IDE: variants seen among roughly 807,000 people sequenced by gnomAD.
IDE encodes the protein insulin-degrading enzyme.
In IDE, 58 loss-of-function variants were observed where a neutral mutation model predicts 133.2. That is an observed-to-expected ratio of 0.44 (90% CI 0.35 to 0.54). IDE has a LOEUF of 0.54. IDE is among the 20% of genes least tolerant of loss of function. IDE has a pLI of 0.00. For missense variants in IDE, 981 were observed against 1,234.0 expected, an observed-to-expected ratio of 0.79 and a Z score of 3.07; for synonymous variants, 396 against 421.3, an observed-to-expected ratio of 0.94 and a Z score of 0.73.
intron 4 of IDE, among the ~76,000 whole-genome samples, chr10:92,524,253 T>C (rs1293977345): frequency 7.6e-6 from 1 of 132,420 alleles, no homozygotes; most frequent in Non-Finnish European, 1.5e-5. Context: ...TACGGTAAGC[T>C]GAGATTGTGC....
intron 1 of IDE, among the ~76,000 whole-genome samples, chr10:92,538,027 C>A (rs1301414401): frequency 6.6e-6 from 1 of 151,994 alleles, no homozygotes; most frequent in Admixed American, 6.6e-5. Flanking sequence ...CACTCAACAC[C>A]ACACCCAGTT....
rs967283250 is a variant in IDE, at chr10:92,552,878, A to T, written c.99-15328T>A. The stretch of plus-strand genomic sequence containing the variant: ...GTCTCAAAAAAAAAAAAAAAAAAAA[A>T]TTATTTTCCAATAAAAGGAACTAAG... On this transcript the variant is annotated intron_variant, in intron 1 of 24. Coordinates refer to ENST00000265986, the MANE Select transcript of IDE (RefSeq NM_004969.4). Among the ~76,000 whole-genome samples the T allele has an allele frequency of 7.6e-5, 11 of 145,576 alleles. No homozygotes were observed. The Admixed American group carries it at 7.7e-4, about 10-fold the overall frequency.
At chr10:92,503,722 T>A (rs1197800909) in intron 11 of IDE, among the ~76,000 whole-genome samples, 2 of 151,412 alleles carry the variant, frequency 1.3e-5, no homozygotes, top group Non-Finnish European at 3.0e-5. Flanking sequence ...AAAAAGACTT[T>A]TTTTTTTTTT....
intron 22 of IDE, among the ~76,000 whole-genome samples, chr10:92,456,913 C>A (rs1221983448): frequency 6.7e-6 from 1 of 149,666 alleles, no homozygotes; most frequent in Non-Finnish European, 1.5e-5. Flanking sequence ...TCTTTCCCCT[C>A]ACTTACATTA....
intron 18 of IDE, among the ~76,000 whole-genome samples, chr10:92,469,310 T>C (rs547488146): frequency 6.6e-6 from 1 of 152,178 alleles, no homozygotes; most frequent in Admixed American, 6.5e-5. Context: ...GAGGCAAACA[T>C]AGGCTTTATT....
At chr10:92,563,778 AAAG>A (rs1843392836) in intron 1 of IDE, among the ~76,000 whole-genome samples, 1 of 152,130 alleles carries the variant, frequency 6.6e-6, no homozygotes, top group South Asian at 2.1e-4. Context: ...GAAAAAAAGA[AAAG>A]AAAAGCAAAT....
At chr10:92,541,345 G>A in intron 1 of IDE, 1 of 470,576 alleles carries the variant, frequency 2.1e-6, no homozygotes. Context: ...CTCCTCTGAT[G>A]ATGAATTCAT....
Position 92,534,606 on chromosome 10 carries a change from G to A in IDE, c.463C>T (p.His155Tyr). The change falls in exon 3 of 25, where the codon CAT becomes TAT. Residue 155 changes from histidine to tyrosine, a missense_variant. Physicochemically the swap from His to Tyr is moderately conservative, Grantham distance 83. Transcript: ENST00000265986. ...TCTAGGGCACCTTCTAGGTGTTCAT[G>A]AGAAACATCAAAATAGTAATTGGTA... ...EHTNYYFDVS[H>Y]EHLEGALDRF... The A allele has an allele frequency of 1.2e-6, 2 of 1,613,608 alleles. No individual in the cohort carries two copies. The highest frequency in any genetic ancestry group is 1.7e-6 in the Non-Finnish European group (2 of 1,179,646).
At chr10:92,497,340 A>C (rs1847765371) in intron 11 of IDE, among the ~76,000 whole-genome samples, 1 of 152,212 alleles carries the variant, frequency 6.6e-6, no homozygotes, top group Non-Finnish European at 1.5e-5. Context: ...ACTGGCAAAA[A>C]TGAAACTGGC....
chr10:92,546,616 A>C (rs1842543533), intron 1 of IDE, among the ~76,000 whole-genome samples: 1 of 152,180 alleles, frequency 6.6e-6, no homozygotes, highest in African/African-American at 2.4e-5. Flanking sequence ...CAATTATTTC[A>C]ATTATTTCTG....
intron 5 of IDE, among the ~76,000 whole-genome samples, chr10:92,510,489 G>A (rs1185500878): frequency 2.0e-5 from 3 of 152,176 alleles, no homozygotes; most frequent in South Asian, 4.1e-4. Flanking sequence ...TACATAGACA[G>A]AGAATTGCCT....
At chr10:92,548,536 T>C (rs866188871) in intron 1 of IDE, among the ~76,000 whole-genome samples, 6 of 152,206 alleles carry the variant, frequency 3.9e-5, no homozygotes, top group Middle Eastern at 6.8e-3. Flanking sequence ...ACAGTAGTCA[T>C]CCATGAATGG....
At chr10:92,556,194 A>AAAAAG (rs1589536525) in intron 1 of IDE, among the ~76,000 whole-genome samples, 1 of 151,126 alleles carries the variant, frequency 6.6e-6, no homozygotes. Flanking sequence ...AAAAAAAAAA[A>AAAAAG]AAAAAAGAAA....
intron 4 of IDE, 26 bp downstream of exon 4, chr10:92,531,722 G>A (rs1243480824): frequency 2.0e-6 from 3 of 1,516,352 alleles, no homozygotes; most frequent in African/African-American, 1.4e-5. Context: ...TTTAAATGAG[G>A]TCAAGGAAAG....
intron 4 of IDE, among the ~76,000 whole-genome samples, chr10:92,518,609 G>A (rs886348020): frequency 1.3e-5 from 2 of 151,990 alleles, no homozygotes; most frequent in African/African-American, 4.8e-5. Context: ...CTGTGTACAA[G>A]GAGACATGTA....
At chr10:92,561,295 C>T (rs769076764) in intron 1 of IDE, among the ~76,000 whole-genome samples, 5 of 151,868 alleles carry the variant, frequency 3.3e-5, no homozygotes, top group Admixed American at 2.0e-4. Flanking sequence ...ATAAGTAAGG[C>T]GAACTCAGCA....
Position 92,510,629 on chromosome 10 carries a change from GTATA to G in IDE, c.785-471_785-468del, listed in dbSNP as rs768554606. Among the ~76,000 whole-genome samples the G allele has an allele frequency of 6.6e-5, 10 of 150,380 alleles. No homozygotes were observed. In the East Asian group the frequency reaches 1.9e-3, roughly 29 times the overall value. On this transcript the variant is annotated intron_variant, in intron 5 of 24. Transcript: ENST00000265986. Reference sequence around the variant, plus strand: ...AAATGCACATTTTATATGTGTGTGTGTATATATATATCACATATATGATATATAT... The same window carrying G: ...AAATGCACATTTTATATGTGTGTGTGTATATATCACATATATGATATATAT...
chr10:92,531,857 ATTCACCT>A lies in IDE; in HGVS notation c.545_551del (p.Glu182ValfsTer11). 1 of 1,591,166 alleles carries A rather than the reference ATTCACCT, an allele frequency of 6.3e-7. No individual in the cohort carries two copies. Among genetic ancestry groups the A allele is most frequent in the Non-Finnish European group, 8.6e-7 (1 of 1,166,108 alleles). ...TCTTCTCATGTTCTGAATCAACTGC[ATTCACCT>A]CTCTGTCTTTGCAACTTTCATCGAA... On this transcript the variant is annotated frameshift_variant, in exon 4 of 25. Coordinates refer to ENST00000265986, the MANE Select transcript of IDE (RefSeq NM_004969.4). LOFTEE classifies it high-confidence loss of function.
chr10:92,469,966 T>C (rs574905594), intron 18 of IDE, among the ~76,000 whole-genome samples: 79 of 152,258 alleles, frequency 5.2e-4, no homozygotes, highest in African/African-American at 1.8e-3. Context: ...TTATCTACTA[T>C]ACAATTATGC....
Sources: gnomAD v4.1 joint callset for allele counts (sites outside exome capture counted in the v4.1 genomes callset) on GRCh38, gnomAD v4.1.1 for gene constraint, MANE v1.5 for transcripts, NCBI Gene and HGNC (gene_info 2026-07-23, HGNC 2026-07-21) for gene names.